Variants in LDLRAD4 observed in about 807,000 individuals in gnomAD.
LDLRAD4 encodes the protein low density lipoprotein receptor class A domain containing 4, also known as low-density lipoprotein receptor class A domain-containing protein 4.
In LDLRAD4, 5 loss-of-function variants were observed where a neutral mutation model predicts 17.0. That is an observed-to-expected ratio of 0.29 (90% CI 0.15 to 0.62). LDLRAD4 has a LOEUF of 0.62. Among genes scored for constraint, LDLRAD4 ranks in the 20% least tolerant of loss-of-function variants. LDLRAD4 has a pLI of 0.84. For synonymous variants in LDLRAD4, 168 were observed against 171.8 expected (o/e 0.98, Z 0.17); for missense variants, 340 against 424.7 (o/e 0.80, Z 1.75).
At chr18:13,415,433 G>A (rs2088788842) in intron 2 of LDLRAD4, among the ~76,000 whole-genome samples, 1 of 152,190 alleles carries the variant, frequency 6.6e-6, no homozygotes, top group Non-Finnish European at 1.5e-5. Context: ...CTGAACAGCT[G>A]CGGTGGCAGC....
At chr18:13,483,117 G>T (rs1271025594) in intron 3 of LDLRAD4, among the ~76,000 whole-genome samples, 4 of 152,172 alleles carry the variant, frequency 2.6e-5, no homozygotes, top group Non-Finnish European at 5.9e-5. Flanking sequence ...CAGTCAGCAT[G>T]CCAGAGCACC....
At position 13,566,795 on chromosome 18, in the gene LDLRAD4, A is replaced by T. The variant is rs190710998; in HGVS notation, c.182-54322A>T. Among the ~76,000 whole-genome samples, 349 of 152,290 alleles carry T rather than the reference A, an allele frequency of 2.3e-3. 2 individuals carry two copies. The highest frequency in any genetic ancestry group is 3.1e-3 in the Non-Finnish European group (211 of 68,018). ...CCCCACAGTCCCCCAAAAAGAGAGG[A>T]TTTAAATATGTATAGGTTTACTTAC... On this transcript the variant is annotated intron_variant, in intron 3 of 5. Transcript: ENST00000359446.
chr18:13,488,231 G>C (rs2093277728), intron 3 of LDLRAD4: 1 of 152,330 alleles, frequency 6.6e-6, no homozygotes, highest in Non-Finnish European at 1.5e-5. Flanking sequence ...GTTCCCTAGA[G>C]CCATGCTCTG....
intron 3 of LDLRAD4, among the ~76,000 whole-genome samples, chr18:13,552,656 G>C (rs1295181770): frequency 2.0e-5 from 3 of 152,152 alleles, no homozygotes; most frequent in African/African-American, 4.8e-5. Flanking sequence ...GTAGTTCCTA[G>C]AGGACTGTGA....
chr18:13,290,613 T>TGA (rs1180119799), intron 1 of LDLRAD4, among the ~76,000 whole-genome samples: 1 of 152,208 alleles, frequency 6.6e-6, no homozygotes, highest in Non-Finnish European at 1.5e-5. Flanking sequence ...ACCTGCTTCT[T>TGA]GCACATGTAA....
rs370868713 is a variant in LDLRAD4, at chr18:13,288,628, C to T, written c.-383+10440C>T. On this transcript the variant is annotated intron_variant, in intron 1 of 5. Transcript: ENST00000359446. ...GGGCCACAGTAGCAGCCCCGCAGAC[C>T]GTGGTCACTCTGCAAGGTGAGTCAC... 1.9e-4 allele frequency among the ~76,000 whole-genome samples: 28 copies of T among 151,338 alleles called. No homozygotes were observed. In the East Asian group the frequency reaches 5.1e-3, roughly 28 times the overall value.
At chr18:13,283,249 C>T (rs2045394270) in intron 1 of LDLRAD4, among the ~76,000 whole-genome samples, 1 of 152,228 alleles carries the variant, frequency 6.6e-6, no homozygotes, top group Non-Finnish European at 1.5e-5. Context: ...CACATTTCTG[C>T]AGCCAGCTTG....
intron 1 of LDLRAD4, among the ~76,000 whole-genome samples, chr18:13,341,916 A>T (rs2082392584): frequency 6.6e-6 from 1 of 152,018 alleles, no homozygotes; most frequent in Admixed American, 6.6e-5. Flanking sequence ...TTTTAGTCCT[A>T]GTTTATTGAG....
chr18:13,329,164 A>T (rs554668780), intron 1 of LDLRAD4, among the ~76,000 whole-genome samples: 4 of 152,206 alleles, frequency 2.6e-5, no homozygotes, highest in Non-Finnish European at 5.9e-5. Flanking sequence ...CATTTGTAGG[A>T]TACATTCCCA....
At chr18:13,618,052 C>T in intron 3 of LDLRAD4, among the ~76,000 whole-genome samples, 1 of 151,970 alleles carries the variant, frequency 6.6e-6, no homozygotes, top group East Asian at 1.9e-4. Context: ...ATTTTGTGGT[C>T]ATAAGAGAAA....
intron 1 of LDLRAD4, among the ~76,000 whole-genome samples, chr18:13,312,177 C>T (rs2047276331): frequency 6.6e-6 from 1 of 152,110 alleles, no homozygotes; most frequent in Admixed American, 6.6e-5. Context: ...TGGAGAATTC[C>T]ACAGCTGACC....
chr18:13,380,414 A>G (rs1468082587), intron 1 of LDLRAD4, among the ~76,000 whole-genome samples: 1 of 152,054 alleles, frequency 6.6e-6, no homozygotes, highest in Non-Finnish European at 1.5e-5. Flanking sequence ...GGATCCAGAC[A>G]CCTGGTTCCA....
chr18:13,479,415 GT>G (rs1187976078), intron 3 of LDLRAD4, among the ~76,000 whole-genome samples: 1 of 152,206 alleles, frequency 6.6e-6, no homozygotes, highest in Admixed American at 6.5e-5. Flanking sequence ...GTTGTCAGGG[GT>G]TGGAGACCAG....
intron 1 of LDLRAD4, among the ~76,000 whole-genome samples, chr18:13,314,003 T>C (rs1006925971): frequency 6.6e-6 from 1 of 152,158 alleles, no homozygotes; most frequent in Non-Finnish European, 1.5e-5. Flanking sequence ...CCGCAACACA[T>C]TTTTCCCTGA....
intron 1 of LDLRAD4, among the ~76,000 whole-genome samples, chr18:13,306,332 C>A (rs2046912236): frequency 6.6e-6 from 1 of 152,220 alleles, no homozygotes; most frequent in Non-Finnish European, 1.5e-5. Context: ...ACAGTGAGAA[C>A]TCTTTTCCTG....
intron 1 of LDLRAD4, among the ~76,000 whole-genome samples, chr18:13,373,190 A>C (rs140833353): frequency 2.0e-5 from 3 of 151,238 alleles, no homozygotes; most frequent in African/African-American, 7.3e-5. Context: ...TTTTGAGCAA[A>C]GGCAGAAATC....
At chr18:13,348,211 C>T (rs551725938) in intron 1 of LDLRAD4, among the ~76,000 whole-genome samples, 174 of 152,072 alleles carry the variant, frequency 1.1e-3, no homozygotes, top group African/African-American at 4.0e-3. Flanking sequence ...TTTTACCTAC[C>T]TTTGGTCTTT....
At chr18:13,287,872 G>A (rs2045721703) in intron 1 of LDLRAD4, among the ~76,000 whole-genome samples, 1 of 152,150 alleles carries the variant, frequency 6.6e-6, no homozygotes, top group African/African-American at 2.4e-5. Context: ...AGAGAAAAAC[G>A]TTAAAAACCT....
At chr18:13,566,137 TC>T (rs1568347801) in intron 3 of LDLRAD4, among the ~76,000 whole-genome samples, 1 of 152,090 alleles carries the variant, frequency 6.6e-6, no homozygotes, top group Non-Finnish European at 1.5e-5. Flanking sequence ...TACAGTTACA[TC>T]CGCTTGGTGG....
Sources: allele counts gnomAD v4.1 joint callset (sites outside exome capture counted in the v4.1 genomes callset), GRCh38; gene constraint gnomAD v4.1.1; transcripts MANE v1.5; gene names NCBI Gene and HGNC (gene_info 2026-07-23, HGNC 2026-07-21).